The following METTL15 variants were observed in gnomAD, a reference collection of about 807,000 sequenced individuals.
METTL15 encodes methyltransferase 15, mitochondrial 12S rRNA N4-cytidine.
Under a neutral mutation model 38.3 loss-of-function variants are expected in METTL15, and 34 were observed. The observed-to-expected ratio is 0.89, with a 90% CI of 0.68 to 1.18. The LOEUF (loss-of-function observed/expected upper bound fraction) is 1.18, where lower values mean the gene tolerates loss of function less well. Ranked by LOEUF, METTL15 falls within the 50% of genes most tolerant of loss-of-function variation. The probability of loss-of-function intolerance (pLI) is 0.00; values close to 1 mark genes in which losing one functional copy is unlikely to be tolerated. For synonymous variants in METTL15, 162 were observed against 170.9 expected (o/e 0.95, Z 0.41); for missense variants, 438 against 498.4 (o/e 0.88, Z 1.15).
intron 6 of METTL15, among the ~76,000 whole-genome samples, chr11:28,316,241 C>T (rs1024645617): frequency 1.3e-5 from 2 of 152,188 alleles, no homozygotes; most frequent in African/African-American, 4.8e-5. Context: ...ACCATGAGAA[C>T]CCACCTCTTG....
In METTL15 at chr11:28,221,425, G is replaced by A. The variant is rs777231692; in HGVS notation, c.407+10227G>A. On this transcript the variant is annotated intron_variant, in intron 4 of 6. Coordinates refer to ENST00000407364, the MANE Select transcript of METTL15 (RefSeq NM_001113528.2). ...TTTCAGCTCCATCAGGTTCTTTAAG[G>A]ACTTGTCTGCATTGGTTATTCTAGT... Among the ~76,000 whole-genome samples, 5 of 152,110 alleles carry A rather than the reference G, an allele frequency of 3.3e-5. No individual in the cohort carries two copies. The South Asian group carries it at 8.3e-4, about 25-fold the overall frequency.
chr11:28,321,888 C>A (rs1362270683), intron 6 of METTL15, among the ~76,000 whole-genome samples: 3 of 151,480 alleles, frequency 2.0e-5, no homozygotes, highest in African/African-American at 7.3e-5. Context: ...ATTGAGAATC[C>A]AGAAGCAGAT....
chr11:28,439,831 G>A (rs767905233), intron 6 of METTL15, among the ~76,000 whole-genome samples: 6 of 152,184 alleles, frequency 3.9e-5, no homozygotes, highest in Non-Finnish European at 5.9e-5. Flanking sequence ...GATGCCTTGG[G>A]TCTGGAAACT....
chr11:28,311,429 T>C (rs1302884104), intron 6 of METTL15, among the ~76,000 whole-genome samples: 1 of 152,214 alleles, frequency 6.6e-6, no homozygotes, highest in Non-Finnish European at 1.5e-5. Flanking sequence ...TTGCTTACTT[T>C]TTCATTATGT....
At chr11:28,323,136 A>G (rs1401806678) in intron 6 of METTL15, among the ~76,000 whole-genome samples, 2 of 152,162 alleles carry the variant, frequency 1.3e-5, no homozygotes, top group Non-Finnish European at 2.9e-5. Flanking sequence ...AAGAATTTAA[A>G]GAGTAGTGAC....
intron 6 of METTL15, among the ~76,000 whole-genome samples, chr11:28,302,266 T>C (rs1375809561): frequency 6.6e-6 from 1 of 152,102 alleles, no homozygotes; most frequent in East Asian, 1.9e-4. Context: ...GCACATTCAA[T>C]CAGAAAAGCT....
At chr11:28,517,135 C>T (rs967231226) in intron 6 of METTL15, 1 of 152,146 alleles carries the variant, frequency 6.6e-6, no homozygotes, top group African/African-American at 2.4e-5. Flanking sequence ...GTTGTGAAAA[C>T]TACAGTGTAA....
intron 3 of METTL15, among the ~76,000 whole-genome samples, chr11:28,136,117 G>A (rs1333791847): frequency 6.6e-6 from 1 of 152,164 alleles, no homozygotes; most frequent in Non-Finnish European, 1.5e-5. Flanking sequence ...TCTGTGAATA[G>A]CAAAATGTCC....
chr11:28,312,690 G>C (rs1207013014), intron 6 of METTL15, among the ~76,000 whole-genome samples: 1 of 152,178 alleles, frequency 6.6e-6, no homozygotes, highest in Non-Finnish European at 1.5e-5. Context: ...CAAAATCAAA[G>C]AGCAGCATCT....
intron 5 of METTL15, among the ~76,000 whole-genome samples, chr11:28,393,023 G>T (rs1850528324): frequency 6.6e-6 from 1 of 152,030 alleles, no homozygotes; most frequent in South Asian, 2.1e-4. Flanking sequence ...AACATAACCA[G>T]TGCTATTGGC....
intron 6 of METTL15, among the ~76,000 whole-genome samples, chr11:28,441,017 C>T (rs10767724): frequency 0.43 from 63,680 of 148,916 alleles, 14,853 homozygotes; most frequent in Admixed American, 0.54. Context: ...TTTGTGGGGG[C>T]GGGGCAGGGG....
At chr11:28,210,995 T>G in intron 3 of METTL15, 67 bp from the exon 4 acceptor site, 3 of 1,465,952 alleles carry the variant, frequency 2.0e-6, no homozygotes, top group Non-Finnish European at 2.8e-6. Flanking sequence ...TTCTAGAAAT[T>G]GAGATAGTTG....
At chr11:28,176,866 A>G (rs546480478) in intron 3 of METTL15, among the ~76,000 whole-genome samples, 1 of 152,290 alleles carries the variant, frequency 6.6e-6, no homozygotes, top group Admixed American at 6.5e-5. Flanking sequence ...CTGCCTGGCA[A>G]GAAATACACA....
In METTL15 at chr11:28,195,711, T is replaced by C. The variant is rs151241603; in HGVS notation, c.271-15351T>C. Among the ~76,000 whole-genome samples the C allele has an allele frequency of 1.1e-4, 17 of 152,246 alleles. No individual in the cohort carries two copies. In the East Asian group the frequency reaches 2.9e-3, roughly 26 times the overall value. On this transcript the variant is annotated intron_variant, in intron 3 of 6. Coordinates refer to ENST00000407364, the MANE Select transcript of METTL15 (RefSeq NM_001113528.2). ...TTTGCTGTGCAGAAGCATTTTAGTT[T>C]AGTTAGGTCTCATTTATTTATTTTT...
chr11:28,458,747 G>A (rs987504954), intron 6 of METTL15, among the ~76,000 whole-genome samples: 9 of 152,124 alleles, frequency 5.9e-5, no homozygotes, highest in Non-Finnish European at 8.8e-5. Context: ...TATCCAGAGC[G>A]TATTCCCTTC....
At chr11:28,328,953 TTAATTTTG>T (rs1441702484) in intron 6 of METTL15, among the ~76,000 whole-genome samples, 1 of 152,136 alleles carries the variant, frequency 6.6e-6, no homozygotes, top group Non-Finnish European at 1.5e-5. Flanking sequence ...AGAAAGGTTT[TTAATTTTG>T]ATGAAGTCCA....
At chr11:28,280,135 C>T (rs1034543297) in intron 4 of METTL15, among the ~76,000 whole-genome samples, 2 of 152,076 alleles carry the variant, frequency 1.3e-5, no homozygotes, top group Non-Finnish European at 2.9e-5. Context: ...CTTACACTTT[C>T]CATTGCTTTT....
chr11:28,134,161 C>G (rs1849436677), intron 3 of METTL15, among the ~76,000 whole-genome samples: 3 of 152,098 alleles, frequency 2.0e-5, no homozygotes, highest in African/African-American at 4.8e-5. Flanking sequence ...ATGTTCTTGT[C>G]TCATGACCAG....
At chr11:28,302,613 G>T (rs1856950772) in intron 6 of METTL15, among the ~76,000 whole-genome samples, 1 of 152,038 alleles carries the variant, frequency 6.6e-6, no homozygotes, top group African/African-American at 2.4e-5. Context: ...TGATTGTGAG[G>T]CCTCTCCAGC....
Sources: gnomAD v4.1 joint callset for allele counts (sites outside exome capture counted in the v4.1 genomes callset) on GRCh38, gnomAD v4.1.1 for gene constraint, MANE v1.5 for transcripts, NCBI Gene and HGNC (gene_info 2026-07-23, HGNC 2026-07-21) for gene names.